The following TAFA2 variants were observed in gnomAD, a reference collection of about 807,000 sequenced individuals.
The protein encoded by TAFA2 is chemokine-like protein TAFA-2.
A neutral mutation model predicts 18.8 loss-of-function variants in TAFA2; 7 were observed. That is an observed-to-expected ratio of 0.37 (90% CI 0.21 to 0.70). TAFA2 has a LOEUF of 0.70. Ranked by LOEUF, TAFA2 falls within the 30% of genes least tolerant of loss-of-function variation. TAFA2 has a pLI of 0.53. For missense variants in TAFA2, 122 were observed against 158.1 expected (o/e 0.77, Z 1.23); for synonymous variants, 60 against 54.2 (o/e 1.11, Z -0.47).
intron 1 of TAFA2, among the ~76,000 whole-genome samples, chr12:61,939,602 A>T (rs1016339759): frequency 6.6e-6 from 1 of 152,246 alleles, no homozygotes; most frequent in Non-Finnish European, 1.5e-5. Context: ...AAGTAGGAAA[A>T]AGTACAGTCT....
At chr12:62,019,192 T>A (rs1881037237) in intron 1 of TAFA2, among the ~76,000 whole-genome samples, 1 of 152,036 alleles carries the variant, frequency 6.6e-6, no homozygotes, top group South Asian at 2.1e-4. Context: ...ATGGAGAGGA[T>A]GTGGAGAAAT....
intron 1 of TAFA2, among the ~76,000 whole-genome samples, chr12:61,932,794 C>A (rs851904): frequency 0.31 from 47,697 of 151,962 alleles, 9,835 homozygotes; most frequent in African/African-American, 0.6. Context: ...TTTGCTATTC[C>A]ACAAGTTTCC....
At chr12:62,011,597 G>A (rs545006931) in intron 1 of TAFA2, among the ~76,000 whole-genome samples, 5 of 152,112 alleles carry the variant, frequency 3.3e-5, no homozygotes, top group Admixed American at 2.0e-4. Flanking sequence ...AGTACCCAGG[G>A]ACACAAACAC....
rs374797906 is a variant in TAFA2, at chr12:61,942,030, C to T, written c.-1-74604G>A. On this transcript the variant is annotated intron_variant, in intron 1 of 4. Transcript: ENST00000416284. ...CAGACAAACAAAAAGACAGCAGTAA[C>T]CTCTGAAGACTTAAATGTCCCTGTC... Among the ~76,000 whole-genome samples, 116 of 151,680 alleles carry T rather than the reference C, an allele frequency of 7.6e-4. 2 individuals are homozygous for T. In the East Asian group the frequency reaches 0.013, roughly 17 times the overall value.
At chr12:61,775,068 A>G (rs1262346186) in intron 2 of TAFA2, among the ~76,000 whole-genome samples, 1 of 151,804 alleles carries the variant, frequency 6.6e-6, no homozygotes. Context: ...CTGTGAAAAG[A>G]TGCTCCAAAT....
chr12:62,138,165 C>A (rs1408568187), intron 1 of TAFA2, among the ~76,000 whole-genome samples: 1 of 152,056 alleles, frequency 6.6e-6, no homozygotes, highest in Admixed American at 6.6e-5. Context: ...CGCCTGTTGT[C>A]CAAAGCTACT....
chr12:61,968,434 A>G (rs1592520285), intron 1 of TAFA2, among the ~76,000 whole-genome samples: 1 of 151,888 alleles, frequency 6.6e-6, no homozygotes, highest in Admixed American at 6.6e-5. Context: ...AAGAATGTGC[A>G]TTAAATATGC....
chr12:61,890,790 C>G (rs1875597302), intron 1 of TAFA2, among the ~76,000 whole-genome samples: 1 of 152,310 alleles, frequency 6.6e-6, no homozygotes, highest in Admixed American at 6.5e-5. Context: ...AGTCACCTCC[C>G]TCCAGCAGAT....
intron 2 of TAFA2, among the ~76,000 whole-genome samples, chr12:61,858,065 T>C (rs1029390082): frequency 6.6e-6 from 1 of 152,154 alleles, no homozygotes; most frequent in African/African-American, 2.4e-5. Flanking sequence ...CATGAGAGAA[T>C]TGGTTCCTGG....
chr12:61,903,965 C>A (rs1378401441), intron 1 of TAFA2, among the ~76,000 whole-genome samples: 2 of 152,046 alleles, frequency 1.3e-5, no homozygotes, highest in African/African-American at 2.4e-5. Flanking sequence ...TGGCTTTTGG[C>A]AAGTCCTGCT....
chr12:61,858,479 T>A (rs1194148543), intron 2 of TAFA2, among the ~76,000 whole-genome samples: 2 of 152,062 alleles, frequency 1.3e-5, no homozygotes, highest in Non-Finnish European at 1.5e-5. Context: ...AGGGTACATG[T>A]GTGTGGCAAT....
chr12:61,807,441 T>C (rs1871667450), intron 2 of TAFA2, among the ~76,000 whole-genome samples: 1 of 151,350 alleles, frequency 6.6e-6, no homozygotes, highest in South Asian at 2.1e-4. Context: ...GCTGGGGCTC[T>C]TATGGAGAAC....
At chr12:61,948,327 C>G (rs999765270) in intron 1 of TAFA2, among the ~76,000 whole-genome samples, 3 of 152,082 alleles carry the variant, frequency 2.0e-5, no homozygotes, top group Admixed American at 6.6e-5. Context: ...CAGGTAGTCC[C>G]TAACATTTGA....
intron 1 of TAFA2, among the ~76,000 whole-genome samples, chr12:62,060,876 A>T (rs1368775400): frequency 6.6e-6 from 1 of 152,132 alleles, no homozygotes; most frequent in Non-Finnish European, 1.5e-5. Flanking sequence ...AGAATTAAGA[A>T]CATCCCATGT....
chr12:62,137,974 GC>G, intron 1 of TAFA2, among the ~76,000 whole-genome samples: 1 of 152,160 alleles, frequency 6.6e-6, no homozygotes, highest in Middle Eastern at 3.4e-3. Context: ...AGCCTCATTA[GC>G]CTGCTTGATG....
intron 1 of TAFA2, among the ~76,000 whole-genome samples, chr12:62,089,761 A>C (rs894992698): frequency 2.6e-5 from 4 of 152,112 alleles, no homozygotes; most frequent in Non-Finnish European, 4.4e-5. Flanking sequence ...GAGTCATTGG[A>C]TTAGAAGGCT....
chr12:62,143,579 T>C (rs1275414666), intron 1 of TAFA2, among the ~76,000 whole-genome samples: 1 of 152,110 alleles, frequency 6.6e-6, no homozygotes, highest in Admixed American at 6.5e-5. Context: ...ATTCATGTGA[T>C]CTATGTGAAG....
At chr12:62,245,251 T>C (rs987119445) in intron 1 of TAFA2, among the ~76,000 whole-genome samples, 19 of 152,138 alleles carry the variant, frequency 1.2e-4, no homozygotes, top group Admixed American at 1.2e-3. Context: ...CATTTCTCCA[T>C]TGCTTTGTAA....
chr12:62,039,122 T>C (rs929458897), intron 1 of TAFA2, among the ~76,000 whole-genome samples: 7 of 152,232 alleles, frequency 4.6e-5, no homozygotes, highest in African/African-American at 1.7e-4. Flanking sequence ...GCAGGGAAAA[T>C]GCAAAATAAG....
Sources: allele counts gnomAD v4.1 joint callset (sites outside exome capture counted in the v4.1 genomes callset), GRCh38; gene constraint gnomAD v4.1.1; transcripts MANE v1.5; gene names NCBI Gene and HGNC (gene_info 2026-07-23, HGNC 2026-07-21).